The following TENM3 variants were observed in gnomAD, a reference collection of about 807,000 sequenced individuals.
TENM3 encodes teneurin transmembrane protein 3.
TENM3 carries 63 observed loss-of-function variants against 255.1 expected under a neutral mutation model. The ratio of observed to expected loss-of-function variants is 0.25; its 90% confidence interval spans 0.20 to 0.30. The LOEUF is 0.30. Among genes scored for constraint, TENM3 ranks in the 10% least tolerant of loss-of-function variants. The pLI, the probability that TENM3 is intolerant of heterozygous loss-of-function variation, is 1.00. For missense variants in TENM3, 2,929 were observed against 3,461.1 expected (o/e 0.85, Z 3.86); for synonymous variants, 1,306 against 1,322.3 (o/e 0.99, Z 0.27).
chr4:182,322,838 GA>G (rs1399396477), intron 1 of TENM3, among the ~76,000 whole-genome samples: 1 of 152,124 alleles, frequency 6.6e-6, no homozygotes, highest in Non-Finnish European at 1.5e-5. Flanking sequence ...ACGGCCAAAG[GA>G]TACTACAGGA....
At chr4:182,443,338 T>C (rs1450101483) in intron 3 of TENM3, among the ~76,000 whole-genome samples, 1 of 152,136 alleles carries the variant, frequency 6.6e-6, no homozygotes, top group Non-Finnish European at 1.5e-5. Flanking sequence ...TAAGCAGCAC[T>C]CCCTCTAGCT....
At chr4:182,353,042 T>C (rs1377958696) in intron 3 of TENM3, among the ~76,000 whole-genome samples, 1 of 152,174 alleles carries the variant, frequency 6.6e-6, no homozygotes, top group Admixed American at 6.5e-5. Flanking sequence ...AGCTATGTCA[T>C]GTACTTGCGA....
chr4:182,320,351 G>T (rs28478533), intron 1 of TENM3, among the ~76,000 whole-genome samples: 2 of 152,176 alleles, frequency 1.3e-5, no homozygotes, highest in Non-Finnish European at 2.9e-5. Flanking sequence ...ACACCTCTGC[G>T]GTCCAGAGAA....
chr4:181,666,888 G>A, the TENM3 span, among the ~76,000 whole-genome samples: 1 of 151,958 alleles, frequency 6.6e-6, no homozygotes, highest in Non-Finnish European at 1.5e-5. Context: ...CTCATCAAAC[G>A]CTCCTGCACT....
chr4:182,588,757 T>C (rs1478466638), intron 3 of TENM3, among the ~76,000 whole-genome samples: 2 of 152,234 alleles, frequency 1.3e-5, no homozygotes, highest in Non-Finnish European at 2.9e-5. Context: ...GAAATGATTA[T>C]GCAAAACTAA....
rs199801857 is a variant in TENM3 at position 182,567,842 on chromosome 4, CAAAAAA to C, written c.512-33070_512-33065del. 9.4e-5 allele frequency among the ~76,000 whole-genome samples: 12 copies of C among 127,276 alleles called. No individual in the cohort carries two copies. In the East Asian group the frequency reaches 1.1e-3, roughly 12 times the overall value. The allele number at this position is 127,276 out of a possible 152,430, so 83.5% of individuals were successfully genotyped here. On this transcript the variant is annotated intron_variant, in intron 3 of 27. Coordinates refer to ENST00000511685, the MANE Select transcript of TENM3 (RefSeq NM_001080477.4). ...TGTCTCCCCCCAATAGAATGTAATC[CAAAAAA>C]AAAAAAAAAAACAGAAATAGGCTCT...
At chr4:182,416,780 T>C (rs1328546780) in intron 3 of TENM3, among the ~76,000 whole-genome samples, 1 of 152,170 alleles carries the variant, frequency 6.6e-6, no homozygotes, top group Non-Finnish European at 1.5e-5. Context: ...CTGTTAATAA[T>C]AGGAAAATAT....
chr4:181,775,604 G>A, the TENM3 span, among the ~76,000 whole-genome samples: 1 of 152,130 alleles, frequency 6.6e-6, no homozygotes, highest in African/African-American at 2.4e-5. Context: ...CAAACAGGAA[G>A]AAGTAAAGAC....
chr4:182,719,657 T>C (rs1216408216), intron 13 of TENM3, among the ~76,000 whole-genome samples: 1 of 152,050 alleles, frequency 6.6e-6, no homozygotes, highest in African/African-American at 2.4e-5. Context: ...TAGGGGCTGA[T>C]TACAGTTGAG....
chr4:182,654,902 C>G (rs1304218259), intron 6 of TENM3, among the ~76,000 whole-genome samples: 1 of 151,732 alleles, frequency 6.6e-6, no homozygotes, highest in African/African-American at 2.4e-5. Flanking sequence ...TCTCTTTCTC[C>G]TTAGGGAGGT....
intron 3 of TENM3, among the ~76,000 whole-genome samples, chr4:182,374,597 C>T (rs1401197038): frequency 6.6e-6 from 1 of 152,152 alleles, no homozygotes. Context: ...GTTCATTAGC[C>T]TTGTCTTTCT....
chr4:182,455,653 C>T (rs1335965566), intron 3 of TENM3, among the ~76,000 whole-genome samples: 6 of 147,170 alleles, frequency 4.1e-5, no homozygotes, highest in South Asian at 2.2e-4. Flanking sequence ...CCTCCGCCTC[C>T]CGGGTTCAAG....
At chr4:182,037,820 A>T in the TENM3 span, among the ~76,000 whole-genome samples, 2 of 152,052 alleles carry the variant, frequency 1.3e-5, no homozygotes, top group East Asian at 3.9e-4. Context: ...GACACTGAGG[A>T]TTTAAGAAAA....
intron 22 of TENM3, among the ~76,000 whole-genome samples, chr4:182,765,043 C>G (rs1027740223): frequency 6.6e-6 from 1 of 151,734 alleles, no homozygotes; most frequent in South Asian, 2.1e-4. Flanking sequence ...CACGGAGATA[C>G]GGGGAAGAAT....
chr4:182,731,359 T>C (rs1383887700), intron 16 of TENM3, among the ~76,000 whole-genome samples: 1 of 151,510 alleles, frequency 6.6e-6, no homozygotes, highest in Non-Finnish European at 1.5e-5. Context: ...CAAAAAAAAA[T>C]TAGCCGGGCA....
chr4:182,225,765 A>G (rs528811781), intron 1 of TENM3, among the ~76,000 whole-genome samples: 1 of 152,306 alleles, frequency 6.6e-6, no homozygotes, highest in Non-Finnish European at 1.5e-5. Context: ...GAGTCAGGGA[A>G]GAAAGTGGCT....
At chr4:182,249,373 C>G (rs1757846849) in intron 1 of TENM3, among the ~76,000 whole-genome samples, 1 of 152,198 alleles carries the variant, frequency 6.6e-6, no homozygotes, top group Non-Finnish European at 1.5e-5. Flanking sequence ...AAATCTATGA[C>G]TTACAACAAA....
intron 22 of TENM3, among the ~76,000 whole-genome samples, chr4:182,770,967 C>G (rs1764157093): frequency 6.6e-6 from 1 of 152,200 alleles, no homozygotes; most frequent in Non-Finnish European, 1.5e-5. Context: ...AACTGTTAAG[C>G]TGGGCCGCTA....
intron 3 of TENM3, among the ~76,000 whole-genome samples, chr4:182,546,231 G>T (rs769915684): frequency 1.3e-5 from 2 of 152,130 alleles, no homozygotes; most frequent in Non-Finnish European, 2.9e-5. Flanking sequence ...ATGTAAGTGC[G>T]CCTGCACAGT....
Sources: allele counts gnomAD v4.1 joint callset (sites outside exome capture counted in the v4.1 genomes callset), GRCh38; gene constraint gnomAD v4.1.1; transcripts MANE v1.5; gene names NCBI Gene and HGNC (gene_info 2026-07-23, HGNC 2026-07-21).